The following LRP1B variants were observed in gnomAD, a reference collection of about 807,000 sequenced individuals.
LRP1B encodes low-density lipoprotein receptor-related protein 1B.
In LRP1B, 217 loss-of-function variants were observed where a neutral mutation model predicts 556.6. The ratio of observed to expected loss-of-function variants is 0.39; its 90% confidence interval spans 0.35 to 0.44. The LOEUF (loss-of-function observed/expected upper bound fraction) is 0.44, where lower values mean the gene tolerates loss of function less well. Among genes scored for constraint, LRP1B ranks in the 20% least tolerant of loss-of-function variants. The pLI is 1.00. For missense variants in LRP1B, 5,053 were observed against 5,620.8 expected, an observed-to-expected ratio of 0.90 and a Z score of 3.23; for synonymous variants, 2,047 against 1,865.8, an observed-to-expected ratio of 1.10 and a Z score of -2.50.
chr2:141,828,446 A>T (rs373246265), intron 1 of LRP1B, among the ~76,000 whole-genome samples: 78 of 152,278 alleles, frequency 5.1e-4, no homozygotes, highest in African/African-American at 1.8e-3. Context: ...TCAATATTAA[A>T]AAATACAGAA....
intron 11 of LRP1B, 59 bp from the exon 12 acceptor site, chr2:141,020,161 T>G: frequency 9.0e-7 from 1 of 1,111,142 alleles, no homozygotes; most frequent in East Asian, 2.6e-5. Context: ...AAAATTAGTG[T>G]TCACTACTAA....
At position 141,117,855 on chromosome 2, in the gene LRP1B, T is replaced by A. The variant is rs997215937; in HGVS notation, c.1014-55582A>T. Among the ~76,000 whole-genome samples, 5 of 152,092 alleles carry A rather than the reference T, an allele frequency of 3.3e-5. No homozygotes were observed. In the South Asian group the frequency reaches 1.0e-3, roughly 32 times the overall value. The stretch of plus-strand genomic sequence containing the variant: ...ATATATTATTTGTTTCTAAGTCTGT[T>A]AAAACTCACTAAATCTTAAAAATAA... On this transcript the variant is annotated intron_variant, in intron 7 of 90. Coordinates refer to ENST00000389484, the MANE Select transcript of LRP1B (RefSeq NM_018557.3).
chr2:140,836,377 A>G (rs76260025), intron 31 of LRP1B, among the ~76,000 whole-genome samples: 6,305 of 152,300 alleles, frequency 0.041, 166 homozygotes, highest in Middle Eastern at 0.1. Flanking sequence ...GGTTCCTCAA[A>G]TAACATTTTT....
At chr2:140,972,057 G>A (rs1371633368) in intron 18 of LRP1B, among the ~76,000 whole-genome samples, 1 of 152,178 alleles carries the variant, frequency 6.6e-6, no homozygotes, top group Non-Finnish European at 1.5e-5. Context: ...TCTGCCTATG[G>A]CTTTGAAAAT....
intron 84 of LRP1B, among the ~76,000 whole-genome samples, chr2:140,284,729 T>G (rs1203190247): frequency 2.6e-5 from 1 of 39,114 alleles, no homozygotes; most frequent in Non-Finnish European, 1.4e-4. Flanking sequence ...GCTTCTAGTT[T>G]TTTTTTTCAA....
At chr2:141,782,456 T>G (rs1401310414) in intron 2 of LRP1B, among the ~76,000 whole-genome samples, 1 of 151,912 alleles carries the variant, frequency 6.6e-6, no homozygotes, top group Non-Finnish European at 1.5e-5. Context: ...ATCATTTTTA[T>G]GCTTGCAAAG....
At chr2:141,849,397 T>C (rs774367480) in intron 1 of LRP1B, among the ~76,000 whole-genome samples, 2 of 151,702 alleles carry the variant, frequency 1.3e-5, no homozygotes, top group African/African-American at 4.8e-5. Flanking sequence ...ATCTTAATTA[T>C]GGCGTTGACT....
At chr2:141,948,856 G>A (rs767178007) in intron 1 of LRP1B, among the ~76,000 whole-genome samples, 5 of 151,902 alleles carry the variant, frequency 3.3e-5, no homozygotes, top group Non-Finnish European at 7.4e-5. Flanking sequence ...AAATGATGGG[G>A]AGGAAAATAT....
At chr2:142,093,716 TTAAAGA>T (rs1410290443) in intron 1 of LRP1B, among the ~76,000 whole-genome samples, 1 of 151,972 alleles carries the variant, frequency 6.6e-6, no homozygotes, top group African/African-American at 2.4e-5. Context: ...GACAGCTGCA[TTAAAGA>T]TAAAGATCTT....
chr2:140,496,117 A>G (rs1688916525), intron 55 of LRP1B, among the ~76,000 whole-genome samples: 1 of 152,178 alleles, frequency 6.6e-6, no homozygotes, highest in African/African-American at 2.4e-5. Flanking sequence ...TATAAGAATT[A>G]ATCCTTACAT....
chr2:140,359,818 C>T (rs1165143054), intron 72 of LRP1B, among the ~76,000 whole-genome samples: 1 of 151,562 alleles, frequency 6.6e-6, no homozygotes, highest in Non-Finnish European at 1.5e-5. Context: ...AGCTCTTTAT[C>T]ATCTCGTCTT....
intron 83 of LRP1B, among the ~76,000 whole-genome samples, chr2:140,311,200 A>G (rs1238409701): frequency 1.3e-5 from 2 of 151,762 alleles, no homozygotes; most frequent in Non-Finnish European, 2.9e-5. Context: ...GGAAAAAAAT[A>G]TCATTATATC....
At chr2:141,693,479 C>G (rs1691620823) in intron 2 of LRP1B, among the ~76,000 whole-genome samples, 1 of 151,870 alleles carries the variant, frequency 6.6e-6, no homozygotes, top group Admixed American at 6.6e-5. Context: ...ATTATTAAAA[C>G]ATAAATATAT....
chr2:140,262,084 A>T (rs1681970218), intron 86 of LRP1B, among the ~76,000 whole-genome samples: 1 of 152,006 alleles, frequency 6.6e-6, no homozygotes, highest in Admixed American at 6.6e-5. Context: ...AAAAGATCAG[A>T]AGAAAATGAA....
intron 23 of LRP1B, among the ~76,000 whole-genome samples, chr2:140,890,057 A>C (rs1055665110): frequency 2.0e-5 from 3 of 151,700 alleles, no homozygotes; most frequent in Non-Finnish European, 4.4e-5. Flanking sequence ...TCTATGGAGT[A>C]GAATGTTATA....
At chr2:141,324,013 A>ACACC (rs1188394207) in intron 3 of LRP1B, among the ~76,000 whole-genome samples, 2 of 135,802 alleles carry the variant, frequency 1.5e-5, no homozygotes. Context: ...ACACACACAC[A>ACACC]CCTGAACAAG....
chr2:141,185,894 T>A (rs544595012), intron 7 of LRP1B, among the ~76,000 whole-genome samples: 28 of 151,034 alleles, frequency 1.9e-4, no homozygotes, highest in Non-Finnish European at 3.5e-4. Flanking sequence ...ACCTAGCCAA[T>A]GTGGTGAAAC....
chr2:141,002,375 A>T (rs1318675762), intron 15 of LRP1B, among the ~76,000 whole-genome samples: 1 of 152,042 alleles, frequency 6.6e-6, no homozygotes, highest in Non-Finnish European at 1.5e-5. Flanking sequence ...TGTTTACATA[A>T]AAAAGTACAG....
At chr2:142,055,477 G>A (rs189043847) in intron 1 of LRP1B, among the ~76,000 whole-genome samples, 215 of 152,220 alleles carry the variant, frequency 1.4e-3, no homozygotes, top group African/African-American at 5.0e-3. Context: ...ATGTACAGGA[G>A]CCCTTTGAGT....
Sources: allele counts gnomAD v4.1 joint callset (sites outside exome capture counted in the v4.1 genomes callset), GRCh38; gene constraint gnomAD v4.1.1; transcripts MANE v1.5; gene names NCBI Gene and HGNC (gene_info 2026-07-23, HGNC 2026-07-21).